CTBP2: variants seen among roughly 807,000 people sequenced by gnomAD.
CTBP2 encodes the protein C-terminal binding protein 2.
CTBP2 carries 30 observed loss-of-function variants against 80.3 expected under a neutral mutation model. The ratio of observed to expected loss-of-function variants is 0.37; its 90% confidence interval spans 0.28 to 0.51. The LOEUF is 0.51. Ranked by LOEUF, CTBP2 falls within the 20% of genes least tolerant of loss-of-function variation. The probability of loss-of-function intolerance (pLI) is 0.93; values close to 1 mark genes in which losing one functional copy is unlikely to be tolerated. For missense variants in CTBP2, 1,212 were observed against 1,375.3 expected (o/e 0.88, Z 1.88); for synonymous variants, 594 against 587.4 (o/e 1.01, Z -0.16).
chr10:125,032,104 G>A (rs2913112), upstream of CTBP2, among the ~76,000 whole-genome samples: 69,961 of 151,572 alleles, frequency 0.46, 16,436 homozygotes, highest in East Asian at 0.63. Context: ...TGAAAGTGTT[G>A]GTGGAGCCAA....
upstream of CTBP2, chr10:125,160,604 C>T (rs1323498970): frequency 1.6e-5 from 2 of 124,186 alleles, no homozygotes; most frequent in Admixed American, 1.5e-4. Context: ...CCGCCCTCCC[C>T]ACCCTCCCTC....
chr10:124,986,176 TAAA>T lies in CTBP2; in HGVS notation c.*3339_*3341del, dbSNP rs746335710. On this transcript the variant is annotated 3_prime_UTR_variant, in exon 9 of 9. Coordinates refer to ENST00000309035, the MANE Select transcript of CTBP2 (RefSeq NM_022802.3). ...CTTCAGGTATACATTCAATACTGGG[TAAA>T]AATTTCAGACCTATCTCAGGAACAC... is the stretch of plus-strand genomic sequence containing the variant. 23 of 152,556 alleles carry T rather than the reference TAAA, an allele frequency of 1.5e-4. No homozygotes were observed. The highest frequency in any genetic ancestry group is 3.1e-4 in the Non-Finnish European group (21 of 68,020). 9.5% of individuals were successfully genotyped at this position (152,556 alleles called of 1,614,324 possible).
At chr10:125,028,896 T>C (rs1406177342), upstream of CTBP2, among the ~76,000 whole-genome samples, 3 of 152,218 alleles carry the variant, frequency 2.0e-5, no homozygotes, top group African/African-American at 2.4e-5. Flanking sequence ...GGCGCAATAA[T>C]GCAAAGAACA....
intron 2 of CTBP2, among the ~76,000 whole-genome samples, chr10:125,079,011 G>A (rs1590612231): frequency 6.6e-6 from 1 of 151,642 alleles, no homozygotes; most frequent in Non-Finnish European, 1.5e-5. Context: ...GCCGGGCATG[G>A]TGACGAGTGC....
chr10:124,991,752 A>C (rs986936159), intron 8 of CTBP2, among the ~76,000 whole-genome samples: 1 of 152,176 alleles, frequency 6.6e-6, no homozygotes, highest in Non-Finnish European at 1.5e-5. Flanking sequence ...GAAGAGAATG[A>C]TCTGGCCCCA....
At position 125,003,126 on chromosome 10, in the gene CTBP2, G is replaced by A. The variant is rs1462485112; in HGVS notation, c.1834-22C>T. 6 of 1,613,264 alleles carry A rather than the reference G, an allele frequency of 3.7e-6. No homozygotes were observed. The African/African-American group carries it at 6.7e-5, about 18-fold the overall frequency. On this transcript the variant is annotated intron_variant, in intron 2 of 8. Transcript: ENST00000309035. ...GAACCTGCGTGGGAACAGAGCACAG[G>A]GTCGGAGCCCCACCCCGTGCAGCCC...
intron 3 of CTBP2, 96 bp downstream of exon 3, chr10:125,038,901 C>T (rs1959160172): frequency 8.1e-7 from 1 of 1,239,946 alleles, no homozygotes; most frequent in Admixed American, 1.8e-5. Context: ...GGGACTCTGG[C>T]TTGGGGAGTG....
intron 2 of CTBP2, among the ~76,000 whole-genome samples, chr10:125,074,440 T>C (rs1475868487): frequency 6.6e-6 from 1 of 152,198 alleles, no homozygotes; most frequent in East Asian, 1.9e-4. Context: ...CTGCAACCTC[T>C]GCCTCGCGGG....
At position 124,994,651 on chromosome 10, in the gene CTBP2, T is replaced by C. The variant is rs756799586; in HGVS notation, c.2218A>G (p.Lys740Glu). 6.2e-7 allele frequency: 1 copy of C among 1,613,994 alleles called. No individual in the cohort carries two copies. Among genetic ancestry groups the C allele is most frequent in the Admixed American group, 1.7e-5 (1 of 60,024 alleles). ...AATATGACGCTGAATCCAAAGGCCTTGGCTCGAACTGCAACCGCCTGCCCC... is the reference window on the plus strand; with the variant it reads ...AATATGACGCTGAATCCAAAGGCCTCGGCTCGAACTGCAACCGCCTGCCCC... The change falls in exon 5 of 9, where the codon AAG (lysine) becomes GAG (glutamate). Residue 740 changes from lysine to glutamate, a missense_variant. Physicochemically the swap from Lys to Glu is moderately conservative, Grantham distance 56. Transcript: ENST00000309035.
At chr10:125,073,663 A>G (rs1845855429) in intron 2 of CTBP2, among the ~76,000 whole-genome samples, 1 of 152,252 alleles carries the variant, frequency 6.6e-6, no homozygotes, top group Admixed American at 6.5e-5. Flanking sequence ...GCCTTGATTC[A>G]TATAGGCATT....
In CTBP2 at chr10:125,038,884, C is replaced by T. The variant is rs117430080; in HGVS notation, c.58+113G>A. On this transcript the variant is annotated intron_variant, in intron 3 of 10. Transcript: ENST00000337195. ...TGCCAATGGTATGCAGTGTTGGAAT[C>T]GGAGGAGGGACTCTGGCTTGGGGAG... 3,860 of 1,045,680 alleles carry T rather than the reference C, an allele frequency of 3.7e-3. 105 individuals are homozygous for T. The East Asian group carries it at 0.039, about 11-fold the overall frequency. 64.8% of individuals were successfully genotyped at this position (1,045,680 alleles called of 1,614,324 possible). A position where few individuals can be genotyped will look rare whatever the true frequency, so the allele number is the denominator to read the frequency against.
rs553269032 is a variant in CTBP2, at chr10:125,152,013, G to T, written c.-206+8306C>A. Among the ~76,000 whole-genome samples, 547 of 152,162 alleles carry T rather than the reference G, an allele frequency of 3.6e-3. 1 individual carries two copies. The highest frequency in any genetic ancestry group is 0.012 in the African/African-American group (518 of 41,534). On this transcript the variant is annotated intron_variant, in intron 1 of 10. Transcript: ENST00000337195. ...CAAGTGTAAAGGCGAGGCGCGAGGT[G>T]GGGGGGCCCGGGGGTGTCAGATACC... is the stretch of plus-strand genomic sequence containing the variant.
intron 2 of CTBP2, 32 bp downstream of exon 2, chr10:125,110,958 C>A (rs909095429): frequency 1.3e-5 from 2 of 152,580 alleles, no homozygotes; most frequent in African/African-American, 4.8e-5. Context: ...GAAAACTGAA[C>A]TTTTACCTGG....
chr10:125,148,802 C>T (rs1335177708), intron 1 of CTBP2, among the ~76,000 whole-genome samples: 1 of 152,246 alleles, frequency 6.6e-6, no homozygotes, highest in African/African-American at 2.4e-5. Context: ...AGACACAATT[C>T]CAACTTTAAT....
intron 1 of CTBP2, among the ~76,000 whole-genome samples, chr10:125,118,739 G>C (rs1337992027): frequency 5.3e-5 from 8 of 151,856 alleles, no homozygotes; most frequent in Non-Finnish European, 1.0e-4. Context: ...GGGGGGGATG[G>C]GGAACGCTTA....
chr10:125,048,495 T>C (rs1413389537), intron 2 of CTBP2, among the ~76,000 whole-genome samples: 1 of 152,176 alleles, frequency 6.6e-6, no homozygotes, highest in African/African-American at 2.4e-5. Flanking sequence ...GAGCATGATA[T>C]GCCAGGGGAA....
intron 3 of CTBP2, among the ~76,000 whole-genome samples, chr10:125,034,082 T>C (rs1231892511): frequency 1.3e-5 from 2 of 152,168 alleles, no homozygotes; most frequent in African/African-American, 4.8e-5. Context: ...GTGGTGAGTA[T>C]GAAGACATCC....
At chr10:125,038,046 G>C (rs551386478) in intron 3 of CTBP2, among the ~76,000 whole-genome samples, 5 of 152,270 alleles carry the variant, frequency 3.3e-5, no homozygotes, top group African/African-American at 1.2e-4. Context: ...TGAACCCCAG[G>C]AATGTCAGTG....
At chr10:125,119,237 C>G (rs1023995306) in intron 1 of CTBP2, among the ~76,000 whole-genome samples, 1 of 152,238 alleles carries the variant, frequency 6.6e-6, no homozygotes, top group Admixed American at 6.5e-5. Context: ...CTAAAGCTGG[C>G]AGGTTTTAAT....
Sources: gnomAD v4.1 joint callset for allele counts (sites outside exome capture counted in the v4.1 genomes callset) on GRCh38, gnomAD v4.1.1 for gene constraint, MANE v1.5 for transcripts, NCBI Gene and HGNC (gene_info 2026-07-23, HGNC 2026-07-21) for gene names.